MYO16: variants seen among roughly 807,000 people sequenced by gnomAD.
The protein encoded by MYO16 is unconventional myosin-XVI.
MYO16 carries 94 observed loss-of-function variants against 205.3 expected under a neutral mutation model. The observed-to-expected ratio is 0.46, with a 90% CI of 0.39 to 0.54. The LOEUF is 0.54. MYO16 is among the 20% of genes least tolerant of loss of function. The pLI is 0.00. For synonymous variants in MYO16, 988 were observed against 954.0 expected, an observed-to-expected ratio of 1.04 and a Z score of -0.66; for missense variants, 2,315 against 2,387.5, an observed-to-expected ratio of 0.97 and a Z score of 0.63.
the MYO16 span, among the ~76,000 whole-genome samples, chr13:108,535,837 T>C: frequency 6.6e-6 from 1 of 152,224 alleles, no homozygotes; most frequent in African/African-American, 2.4e-5. Flanking sequence ...AAATACTAAG[T>C]ACTTTTCAAT....
intron 9 of MYO16, among the ~76,000 whole-genome samples, chr13:108,841,973 AAAAG>A (rs1367121464): frequency 2.0e-5 from 3 of 152,162 alleles, no homozygotes; most frequent in Non-Finnish European, 4.4e-5. Context: ...CCCAATAGGG[AAAAG>A]AAAGTTACTT....
chr13:108,667,318 T>A (rs1163605143), intron 2 of MYO16, among the ~76,000 whole-genome samples: 1 of 144,694 alleles, frequency 6.9e-6, no homozygotes, highest in African/African-American at 2.6e-5. Context: ...AATTTCTGTT[T>A]TGTTTTTTTT....
intron 23 of MYO16, among the ~76,000 whole-genome samples, chr13:109,038,046 G>A (rs919072759): frequency 6.6e-6 from 1 of 152,176 alleles, no homozygotes; most frequent in African/African-American, 2.4e-5. Flanking sequence ...GTAAAGCGAA[G>A]GATTTAATTA....
intron 7 of MYO16, among the ~76,000 whole-genome samples, chr13:108,812,260 C>A: frequency 6.6e-6 from 1 of 152,186 alleles, no homozygotes; most frequent in East Asian, 1.9e-4. Context: ...AGCCTTACCA[C>A]AACTTGCGGT....
chr13:109,038,110 G>C (rs111932219), intron 23 of MYO16, among the ~76,000 whole-genome samples: 5 of 152,182 alleles, frequency 3.3e-5, no homozygotes, highest in African/African-American at 1.2e-4. Context: ...GATCCAACAT[G>C]ATCGATCATC....
At chr13:109,164,531 A>G (rs1177584229) in intron 32 of MYO16, among the ~76,000 whole-genome samples, 4 of 152,182 alleles carry the variant, frequency 2.6e-5, no homozygotes, top group African/African-American at 9.7e-5. Flanking sequence ...TTTTTTCCAA[A>G]GCTGTAAGAT....
At chr13:109,077,414 C>T (rs1261806893) in intron 27 of MYO16, among the ~76,000 whole-genome samples, 2 of 152,252 alleles carry the variant, frequency 1.3e-5, no homozygotes, top group Non-Finnish European at 2.9e-5. Context: ...CTCAAACTCA[C>T]AGCCTCCACT....
At chr13:108,799,898 A>C (rs1264775680) in intron 6 of MYO16, among the ~76,000 whole-genome samples, 1 of 152,154 alleles carries the variant, frequency 6.6e-6, no homozygotes, top group Non-Finnish European at 1.5e-5. Context: ...GCAGATAGGG[A>C]AGAGGAGAGG....
chr13:108,753,717 C>A (rs1218485119), intron 4 of MYO16, among the ~76,000 whole-genome samples: 1 of 152,124 alleles, frequency 6.6e-6, no homozygotes, highest in Non-Finnish European at 1.5e-5. Flanking sequence ...AGGTGCATTT[C>A]TAAAAATAAA....
At chr13:108,725,231 C>A (rs547633035) in intron 3 of MYO16, among the ~76,000 whole-genome samples, 1 of 152,176 alleles carries the variant, frequency 6.6e-6, no homozygotes, top group South Asian at 2.1e-4. Context: ...ACGGTTTTAA[C>A]ACCTGATTTG....
intron 1 of MYO16, among the ~76,000 whole-genome samples, chr13:108,640,264 G>C (rs1031008066): frequency 6.6e-6 from 1 of 152,192 alleles, no homozygotes; most frequent in Non-Finnish European, 1.5e-5. Flanking sequence ...TGCTAAGCAG[G>C]CTGGCATGAA....
intron 6 of MYO16, among the ~76,000 whole-genome samples, chr13:108,796,498 C>T (rs1886792493): frequency 6.6e-6 from 1 of 152,098 alleles, no homozygotes; most frequent in African/African-American, 2.4e-5. Context: ...TTCACAATGG[C>T]AAAGACTTGG....
chr13:109,154,115 T>A (rs921582202), intron 32 of MYO16, among the ~76,000 whole-genome samples: 1 of 152,252 alleles, frequency 6.6e-6, no homozygotes, highest in Non-Finnish European at 1.5e-5. Context: ...AGAATTTGAA[T>A]CTCCATAGAT....
intron 7 of MYO16, among the ~76,000 whole-genome samples, chr13:108,812,750 G>A (rs1887333277): frequency 6.6e-6 from 1 of 152,092 alleles, no homozygotes; most frequent in African/African-American, 2.4e-5. Context: ...GGGGTGTTTA[G>A]GTCATGAGGG....
chr13:109,179,123 C>T (rs1034671660), intron 33 of MYO16, among the ~76,000 whole-genome samples: 5 of 152,136 alleles, frequency 3.3e-5, no homozygotes, highest in African/African-American at 9.7e-5. Flanking sequence ...GATTTTCAAT[C>T]CCTTCCTCGT....
intron 2 of MYO16, among the ~76,000 whole-genome samples, chr13:108,680,372 T>C (rs1347982800): frequency 6.6e-6 from 1 of 152,244 alleles, no homozygotes; most frequent in Admixed American, 6.5e-5. Context: ...GTTTCTACAA[T>C]GCAAAATAAA....
chr13:108,550,269 C>G, the MYO16 span, among the ~76,000 whole-genome samples: 1 of 152,248 alleles, frequency 6.6e-6, no homozygotes, highest in African/African-American at 2.4e-5. Flanking sequence ...TTGGAAAGAA[C>G]GACAACCTTT....
At chr13:108,865,005 G>T (rs1878635633) in intron 11 of MYO16, among the ~76,000 whole-genome samples, 1 of 152,096 alleles carries the variant, frequency 6.6e-6, no homozygotes, top group East Asian at 1.9e-4. Flanking sequence ...TTTAAAAAAA[G>T]GGAAAGCATT....
At chr13:108,839,694 C>A (rs1281565661) in intron 9 of MYO16, among the ~76,000 whole-genome samples, 1 of 152,196 alleles carries the variant, frequency 6.6e-6, no homozygotes, top group East Asian at 1.9e-4. Flanking sequence ...GTGTTGGCAT[C>A]CATTAAGATC....
Sources: allele counts gnomAD v4.1 joint callset (sites outside exome capture counted in the v4.1 genomes callset), GRCh38; gene constraint gnomAD v4.1.1; transcripts MANE v1.5; gene names NCBI Gene and HGNC (gene_info 2026-07-23, HGNC 2026-07-21).